The following CCNY variants were observed in gnomAD, a reference collection of about 807,000 sequenced individuals.
CCNY encodes cyclin-Y.
Under a neutral mutation model 42.8 loss-of-function variants are expected in CCNY, and 19 were observed. That is an observed-to-expected ratio of 0.44 (90% confidence interval 0.31 to 0.65). CCNY has a LOEUF of 0.65. Among genes scored for constraint, CCNY ranks in the 30% least tolerant of loss-of-function variants. CCNY has a pLI of 0.07. For synonymous variants in CCNY, 165 were observed against 162.7 expected (o/e 1.01, Z -0.11); for missense variants, 370 against 437.3 (o/e 0.85, Z 1.37).
At chr10:35,518,802 A>G (rs545875225) in intron 4 of CCNY, among the ~76,000 whole-genome samples, 1 of 136,590 alleles carries the variant, frequency 7.3e-6, no homozygotes, top group South Asian at 2.4e-4. Context: ...AATTGTGAGT[A>G]TCTGGATTTT....
chr10:35,325,593 C>T (rs750305449), intron 3 of CCNY, among the ~76,000 whole-genome samples: 72 of 151,490 alleles, frequency 4.8e-4, no homozygotes, highest in African/African-American at 1.7e-3. Flanking sequence ...TGAGGCCTCC[C>T]GAGTAGCTGG....
intron 1 of CCNY, among the ~76,000 whole-genome samples, chr10:35,409,992 C>T (rs1437383180): frequency 6.6e-6 from 1 of 152,176 alleles, no homozygotes; most frequent in African/African-American, 2.4e-5. Flanking sequence ...ATCCTCCCAC[C>T]TCAGCCTCCC....
chr10:35,399,723 G>A (rs1837603373), intron 1 of CCNY, among the ~76,000 whole-genome samples: 1 of 152,194 alleles, frequency 6.6e-6, no homozygotes, highest in Non-Finnish European at 1.5e-5. Flanking sequence ...TTCTGCAGTA[G>A]ATCTTTTATG....
intron 1 of CCNY, among the ~76,000 whole-genome samples, chr10:35,464,953 T>C (rs1173630902): frequency 6.6e-6 from 1 of 152,238 alleles, no homozygotes; most frequent in African/African-American, 2.4e-5. Context: ...AGTCATTTGC[T>C]GGGTATTAAA....
At position 35,570,756 on chromosome 10, in the gene CCNY, CAATG is replaced by C. The variant is rs1322423518; in HGVS notation, c.*1589_*1592del. ...CTGATCCCCAAACATTGCCTGCTCT[CAATG>C]AAACATGCTTTGGAAATGGAAGGGA... On this transcript the variant is annotated 3_prime_UTR_variant, in exon 10 of 10. Transcript: ENST00000374704. 1 of 152,230 alleles carries C rather than the reference CAATG, an allele frequency of 6.6e-6. No homozygotes were observed. The highest frequency in any genetic ancestry group is 1.5e-5 in the Non-Finnish European group (1 of 68,024). 9.4% of individuals were successfully genotyped at this position (152,230 alleles called of 1,614,324 possible).
At chr10:35,516,661 C>CTTTTTTTTTTTTTTTTT (rs35268084) in intron 4 of CCNY, 38 bp downstream of exon 4, 3 of 327,600 alleles carry the variant, frequency 9.2e-6, no homozygotes, top group African/African-American at 9.9e-5. Context: ...TCCTTCCTTC[C>CTTTTTTTTTTTTTTTTT]TTTTTTTTTT....
At chr10:35,429,282 C>T (rs1838333910) in intron 1 of CCNY, among the ~76,000 whole-genome samples, 1 of 152,198 alleles carries the variant, frequency 6.6e-6, no homozygotes, top group African/African-American at 2.4e-5. Context: ...AGCATCATCT[C>T]ACCAGTTTTT....
intron 3 of CCNY, among the ~76,000 whole-genome samples, chr10:35,299,441 G>C (rs1835508136): frequency 6.6e-6 from 1 of 152,176 alleles, no homozygotes; most frequent in African/African-American, 2.4e-5. Context: ...GTCTTTTGAA[G>C]TTCTACAACT....
intron 3 of CCNY, among the ~76,000 whole-genome samples, chr10:35,264,635 C>T (rs749356861): frequency 1.3e-5 from 2 of 151,752 alleles, no homozygotes; most frequent in Non-Finnish European, 2.9e-5. Context: ...CTGTTCAGGT[C>T]CTTTGCCCAG....
chr10:35,359,760 TA>T (rs762717080), intron 1 of CCNY, among the ~76,000 whole-genome samples: 4 of 152,204 alleles, frequency 2.6e-5, no homozygotes, highest in Non-Finnish European at 5.9e-5. Flanking sequence ...GCTAAGTTGT[TA>T]AAAAACCCCA....
chr10:35,423,664 C>T (rs1244474963), intron 1 of CCNY, among the ~76,000 whole-genome samples: 2 of 152,056 alleles, frequency 1.3e-5, no homozygotes, highest in Non-Finnish European at 2.9e-5. Flanking sequence ...CTGAATCCTT[C>T]AGAGACCCAT....
intron 1 of CCNY, among the ~76,000 whole-genome samples, chr10:35,429,583 A>G (rs1838340037): frequency 6.6e-6 from 1 of 152,228 alleles, no homozygotes; most frequent in Non-Finnish European, 1.5e-5. Flanking sequence ...CAGTTTACGT[A>G]TCTGTAAAAC....
chr10:35,354,934 C>T (rs558113398), intron 1 of CCNY, among the ~76,000 whole-genome samples: 2 of 152,184 alleles, frequency 1.3e-5, no homozygotes, highest in African/African-American at 4.8e-5. Context: ...AATCTTTATT[C>T]TTTATAAAAT....
chr10:35,465,316 G>A (rs938126880), intron 1 of CCNY, among the ~76,000 whole-genome samples: 1 of 149,998 alleles, frequency 6.7e-6, no homozygotes, highest in Non-Finnish European at 1.5e-5. Context: ...TCCGAGCACC[G>A]ATAGTTTTAA....
chr10:35,282,451 G>C (rs1273234169), intron 3 of CCNY, among the ~76,000 whole-genome samples: 1 of 151,954 alleles, frequency 6.6e-6, no homozygotes, highest in Non-Finnish European at 1.5e-5. Context: ...GAACAGGCCA[G>C]GCACGGTGGC....
chr10:35,503,607 A>G (rs1446119954), intron 3 of CCNY, among the ~76,000 whole-genome samples: 2 of 152,252 alleles, frequency 1.3e-5, no homozygotes, highest in Admixed American at 6.5e-5. Flanking sequence ...AGGACGAGCA[A>G]TAATAATAAT....
At chr10:35,276,291 T>A (rs1036156425) in intron 3 of CCNY, among the ~76,000 whole-genome samples, 2 of 152,234 alleles carry the variant, frequency 1.3e-5, no homozygotes, top group African/African-American at 4.8e-5. Flanking sequence ...TAATTGTACC[T>A]GCCTTGATTC....
rs140887170 is a variant in CCNY, at chr10:35,449,186, A to G, written c.155-34218A>G. ...TTGGCATACTGAGGGTATTCATTACAGTCTTGTGGCTGAGGTCACCACGCA... is the reference window on the plus strand; with the variant it reads ...TTGGCATACTGAGGGTATTCATTACGGTCTTGTGGCTGAGGTCACCACGCA... On this transcript the variant is annotated intron_variant, in intron 1 of 9. Transcript: ENST00000374704. Among the ~76,000 whole-genome samples, 126 of 149,758 alleles carry G rather than the reference A, an allele frequency of 8.4e-4. 1 individual carries two copies. In the East Asian group the frequency reaches 0.025, roughly 29 times the overall value.
intron 1 of CCNY, among the ~76,000 whole-genome samples, chr10:35,475,202 G>A (rs11010208): frequency 1.3e-5 from 2 of 151,992 alleles, no homozygotes; most frequent in East Asian, 3.9e-4. Flanking sequence ...GAACCAAGTT[G>A]GAAAACACTC....
Sources: gnomAD v4.1 joint callset for allele counts (sites outside exome capture counted in the v4.1 genomes callset) on GRCh38, gnomAD v4.1.1 for gene constraint, MANE v1.5 for transcripts, NCBI Gene and HGNC (gene_info 2026-07-23, HGNC 2026-07-21) for gene names.